Variants in DMXL1 observed in about 807,000 individuals in gnomAD.
DMXL1 encodes Dmx like 1.
Under a neutral mutation model 319.2 loss-of-function variants are expected in DMXL1, and 99 were observed. That is an observed-to-expected ratio of 0.31 (90% CI 0.26 to 0.37). The LOEUF (loss-of-function observed/expected upper bound fraction) is 0.37. Among genes scored for constraint, DMXL1 ranks in the 10% least tolerant of loss-of-function variants. The pLI is 1.00. For missense variants in DMXL1, 3,745 were observed against 3,595.6 expected (o/e 1.04, Z -1.06); for synonymous variants, 1,385 against 1,235.2 (o/e 1.12, Z -2.54).
At chr5:119,175,002 T>G (rs1775518145) in intron 25 of DMXL1, among the ~76,000 whole-genome samples, 1 of 152,188 alleles carries the variant, frequency 6.6e-6, no homozygotes, top group African/African-American at 2.4e-5. Flanking sequence ...TGTTCCCCTT[T>G]GCTCTAGAAA....
intron 38 of DMXL1, among the ~76,000 whole-genome samples, chr5:119,227,200 A>C (rs1255792635): frequency 6.6e-6 from 1 of 152,188 alleles, no homozygotes; most frequent in Non-Finnish European, 1.5e-5. Context: ...TTTATGTCAC[A>C]CTGGGTCATT....
intron 37 of DMXL1, among the ~76,000 whole-genome samples, chr5:119,222,623 C>A (rs1265050787): frequency 6.6e-6 from 1 of 152,122 alleles, no homozygotes; most frequent in African/African-American, 2.4e-5. Flanking sequence ...CTATTCTTTA[C>A]ACAGCAGCAG....
At chr5:119,222,384 T>C (rs1292350052) in intron 37 of DMXL1, among the ~76,000 whole-genome samples, 1 of 152,192 alleles carries the variant, frequency 6.6e-6, no homozygotes, top group Admixed American at 6.5e-5. Context: ...CTAGTAATTA[T>C]TCAAATGAAA....
intron 26 of DMXL1, among the ~76,000 whole-genome samples, chr5:119,176,481 A>G (rs1775817713): frequency 6.6e-6 from 1 of 151,912 alleles, no homozygotes; most frequent in African/African-American, 2.4e-5. Flanking sequence ...CTTTATTTTC[A>G]TTAACTTCTT....
At chr5:119,095,971 A>G (rs1002149007) in intron 1 of DMXL1, among the ~76,000 whole-genome samples, 12 of 152,280 alleles carry the variant, frequency 7.9e-5, no homozygotes, top group African/African-American at 9.6e-5. Context: ...GGTACCATGG[A>G]AATAGCAGGA....
chr5:119,104,980 C>A (rs6595174), intron 3 of DMXL1, among the ~76,000 whole-genome samples, 200 bp from the exon 4 acceptor site: 88,442 of 152,026 alleles, frequency 0.58, 26,592 homozygotes, highest in East Asian at 0.97. Context: ...CTAAAGATAG[C>A]ATTTTGACCA....
chr5:119,137,664 G>A (rs1416634517), intron 13 of DMXL1, among the ~76,000 whole-genome samples: 1 of 152,206 alleles, frequency 6.6e-6, no homozygotes, highest in Non-Finnish European at 1.5e-5. Flanking sequence ...GGTTTAAAAA[G>A]TGTCAGTTTC....
intron 14 of DMXL1, among the ~76,000 whole-genome samples, 157 bp downstream of exon 14, chr5:119,144,087 A>G (rs1768001083): frequency 6.6e-6 from 1 of 151,852 alleles, no homozygotes; most frequent in Admixed American, 6.6e-5. Context: ...ATTATTGTAT[A>G]TTTTACTTCC....
At chr5:119,123,566 T>C (rs1762794740) in intron 9 of DMXL1, among the ~76,000 whole-genome samples, 1 of 152,206 alleles carries the variant, frequency 6.6e-6, no homozygotes, top group Non-Finnish European at 1.5e-5. Flanking sequence ...AGGATCTTGA[T>C]AAGGCATTGA....
At chr5:119,242,641 A>C (rs2150749948) in intron 42 of DMXL1, among the ~76,000 whole-genome samples, 1 of 152,346 alleles carries the variant, frequency 6.6e-6, no homozygotes, top group Middle Eastern at 3.4e-3. Context: ...AAGCAAAGGA[A>C]TAGCCAACCA....
chr5:119,182,459 T>C (rs1581194397), intron 28 of DMXL1, among the ~76,000 whole-genome samples: 1 of 152,186 alleles, frequency 6.6e-6, no homozygotes, highest in Non-Finnish European at 1.5e-5. Context: ...TTAGGTACTG[T>C]ATTATGAGAG....
chr5:119,195,239 T>C (rs1779406582), intron 30 of DMXL1, among the ~76,000 whole-genome samples: 1 of 152,210 alleles, frequency 6.6e-6, no homozygotes, highest in South Asian at 2.1e-4. Flanking sequence ...GCATTTCCAC[T>C]ATGGATATAT....
rs944483185 is a variant in DMXL1 at position 119,116,483 on chromosome 5, C to T, written c.743+147C>T. The T allele has an allele frequency of 1.4e-5, 12 of 848,890 alleles. No homozygotes were observed. The East Asian group carries it at 3.1e-4, about 22-fold the overall frequency. The allele number at this position is 848,890 out of a possible 1,614,324, so 52.6% of individuals were successfully genotyped here. ...AATATTAAATCGTCTCTGGCCTGCA[C>T]ATCTCTGGCTGTGGCTCAACTATGT... is the stretch of plus-strand genomic sequence containing the variant. On this transcript the variant is annotated intron_variant, in intron 7 of 43. Coordinates refer to ENST00000539542, the MANE Select transcript of DMXL1 (RefSeq NM_001290321.3).
intron 34 of DMXL1, among the ~76,000 whole-genome samples, chr5:119,210,799 C>T (rs1383092962): frequency 9.2e-6 from 1 of 109,010 alleles, no homozygotes; most frequent in Non-Finnish European, 1.7e-5. Flanking sequence ...TGACTTAGAA[C>T]TTCCAGTCCA....
intron 1 of DMXL1, among the ~76,000 whole-genome samples, chr5:119,080,784 C>T (rs1207901905): frequency 6.6e-6 from 1 of 152,152 alleles, no homozygotes; most frequent in Non-Finnish European, 1.5e-5. Flanking sequence ...AGTCTCTCAT[C>T]ACTTTTCCTC....
chr5:119,210,078 C>G (rs372028594), intron 34 of DMXL1, among the ~76,000 whole-genome samples: 3 of 152,186 alleles, frequency 2.0e-5, no homozygotes, highest in East Asian at 3.9e-4. Context: ...AAGCGATTCT[C>G]ATACCTCAGG....
intron 19 of DMXL1, among the ~76,000 whole-genome samples, chr5:119,163,415 T>C (rs1772692610): frequency 6.6e-6 from 1 of 152,166 alleles, no homozygotes; most frequent in African/African-American, 2.4e-5. Context: ...AATTTATTTT[T>C]TGTTTTTATT....
intron 38 of DMXL1, among the ~76,000 whole-genome samples, chr5:119,227,977 T>C (rs948402762): frequency 1.3e-5 from 2 of 152,188 alleles, no homozygotes; most frequent in African/African-American, 4.8e-5. Flanking sequence ...AACTACTGAA[T>C]AGCTTAAGAG....
chr5:119,129,533 G>C (rs934460987), intron 10 of DMXL1, 110 bp downstream of exon 10: 5 of 718,372 alleles, frequency 7.0e-6, no homozygotes, highest in Non-Finnish European at 1.1e-5. Context: ...GCAATGACAT[G>C]ATCCAAACAT....
Sources: allele counts gnomAD v4.1 joint callset (sites outside exome capture counted in the v4.1 genomes callset), GRCh38; gene constraint gnomAD v4.1.1; transcripts MANE v1.5; gene names NCBI Gene and HGNC (gene_info 2026-07-23, HGNC 2026-07-21).